The following NTS variants were observed in gnomAD, a reference collection of about 807,000 sequenced individuals.
NTS encodes the protein neurotensin.
In NTS, 20 loss-of-function variants were observed where a neutral mutation model predicts 19.5. The ratio of observed to expected loss-of-function variants is 1.02; its 90% CI spans 0.72 to 1.49. The LOEUF (loss-of-function observed/expected upper bound fraction) is 1.49. Ranked by LOEUF, NTS falls within the 40% of genes most tolerant of loss-of-function variation. The pLI is 0.00. For missense variants in NTS, 215 were observed against 193.1 expected, an observed-to-expected ratio of 1.11 and a Z score of -0.67; for synonymous variants, 71 against 63.3, an observed-to-expected ratio of 1.12 and a Z score of -0.58.
intron 1 of NTS, among the ~76,000 whole-genome samples, chr12:85,875,762 C>T (rs1294565031): frequency 1.3e-5 from 2 of 151,926 alleles, no homozygotes; most frequent in African/African-American, 4.8e-5. Flanking sequence ...CAGATTATGT[C>T]TCTAACAAAT....
intron 3 of NTS, 119 bp from the exon 4 acceptor site, chr12:85,882,104 G>T: frequency 1.4e-6 from 1 of 726,580 alleles, no homozygotes; most frequent in Non-Finnish European, 2.3e-6. Context: ...CATGTATCTC[G>T]TATCTCACCT....
In NTS at chr12:85,882,418, C is replaced by T. The variant is rs1447981719; in HGVS notation, c.*43C>T. ...TTACATGTGATTGTGATTCATCATC[C>T]CTTAATTAAATATCAAATTATATTT... On this transcript the variant is annotated 3_prime_UTR_variant, in exon 4 of 4. Coordinates refer to ENST00000256010, the MANE Select transcript of NTS (RefSeq NM_006183.5). 7 of 1,340,090 alleles carry T rather than the reference C, an allele frequency of 5.2e-6. No homozygotes were observed. Among genetic ancestry groups the T allele is most frequent in the Non-Finnish European group, 7.1e-6 (7 of 983,944 alleles). The allele number at this position is 1,340,090 out of a possible 1,614,324, so 83.0% of individuals were successfully genotyped here.
At position 85,882,388 on chromosome 12, in the gene NTS, T is replaced by G; in HGVS notation, c.*13T>G. The G allele has an allele frequency of 6.6e-7, 1 of 1,518,594 alleles. No homozygotes were observed. Among genetic ancestry groups the G allele is most frequent in the Non-Finnish European group, 8.9e-7 (1 of 1,128,942 alleles). 94.1% of individuals were successfully genotyped at this position (1,518,594 alleles called of 1,614,324 possible). A position where few individuals can be genotyped will look rare whatever the true frequency, so the allele number is the denominator to read the frequency against. The stretch of plus-strand genomic sequence containing the variant: ...TTACTATTACTGAGAGAATAAATCA[T>G]TTATTTACATGTGATTGTGATTCAT... On this transcript the variant is annotated 3_prime_UTR_variant, in exon 4 of 4. Transcript: ENST00000256010.
intron 1 of NTS, among the ~76,000 whole-genome samples, 188 bp from the exon 2 acceptor site, chr12:85,876,452 T>TA (rs748172028): frequency 2.0e-5 from 3 of 151,976 alleles, no homozygotes; most frequent in Non-Finnish European, 4.4e-5. Context: ...GAAGTGCTTC[T>TA]ACTATTTTAG....
chr12:85,878,504 G>C lies in NTS; in HGVS notation c.295G>C (p.Glu99Gln). 1 of 1,613,834 alleles carries C rather than the reference G, an allele frequency of 6.2e-7. No homozygotes were observed. The highest frequency in any genetic ancestry group is 8.5e-7 in the Non-Finnish European group (1 of 1,179,878). Residue 99 changes from glutamate to glutamine, a missense_variant, in exon 3 of 4, where the codon GAA becomes CAA. Transcript: ENST00000256010. ...LPTALDGFSL[E>Q]AMLTIYQLHK... ...TACTGCTTTAGATGGCTTTAGCTTG[G>C]AAGCAATGTTGACAATATACCAGCT...
At chr12:85,880,457 G>A (rs1370647622) in intron 3 of NTS, among the ~76,000 whole-genome samples, 1 of 151,982 alleles carries the variant, frequency 6.6e-6, no homozygotes, top group African/African-American at 2.4e-5. Context: ...GGGATCTGAG[G>A]GTGTCTTCCC....
intron 3 of NTS, among the ~76,000 whole-genome samples, chr12:85,880,320 AAAAT>A (rs1333624397): frequency 1.3e-5 from 2 of 152,266 alleles, no homozygotes; most frequent in East Asian, 1.9e-4. Flanking sequence ...AGGGGGAAGA[AAAAT>A]AAATTCTTTA....
intron 2 of NTS, among the ~76,000 whole-genome samples, chr12:85,877,471 G>A (rs1881373416): frequency 6.7e-6 from 1 of 149,752 alleles, no homozygotes; most frequent in Non-Finnish European, 1.5e-5. Context: ...CTCTATTGGG[G>A]TCTTGAAAGC....
At chr12:85,875,319 T>C (rs1256542285) in intron 1 of NTS, among the ~76,000 whole-genome samples, 1 of 152,058 alleles carries the variant, frequency 6.6e-6, no homozygotes, top group Non-Finnish European at 1.5e-5. Flanking sequence ...TTAAGAAATA[T>C]TACAATGAAC....
In NTS at chr12:85,874,482, C is replaced by G; in HGVS notation, c.73+6C>G. 1.2e-6 allele frequency: 2 copies of G among 1,603,698 alleles called. No individual in the cohort carries two copies. Among genetic ancestry groups the G allele is most frequent in the Non-Finnish European group, 1.7e-6 (2 of 1,170,674 alleles). On this transcript the variant is annotated splice_donor_region_variant and intron_variant, in intron 1 of 3. Coordinates refer to ENST00000256010, the MANE Select transcript of NTS (RefSeq NM_006183.5). ...CTCCTGGAGTCTGTGCTCAGGTAAG[C>G]AAAACAGAATTTCACAACTCCCTGA...
At chr12:85,879,712 A>G (rs1881455186) in intron 3 of NTS, among the ~76,000 whole-genome samples, 2 of 122,126 alleles carry the variant, frequency 1.6e-5, no homozygotes, top group Non-Finnish European at 1.9e-5. Context: ...ATGTATATAA[A>G]ATATATTTTT....
chr12:85,880,659 A>C (rs1484755702), intron 3 of NTS, among the ~76,000 whole-genome samples: 1 of 152,208 alleles, frequency 6.6e-6, no homozygotes, highest in Admixed American at 6.5e-5. Context: ...TTTAGTATTT[A>C]AAATATGTTT....
At position 85,877,666 on chromosome 12, in the gene NTS, G is replaced by C. The variant is rs569405818; in HGVS notation, c.136-679G>C. On this transcript the variant is annotated intron_variant, in intron 2 of 3. Transcript: ENST00000256010. Reference sequence around the variant, plus strand: ...TCCACTCCACCCTCTGACAGGCCCCGGTGTGGGTTGTTCCCCTTCCTGTGC... The same window carrying C: ...TCCACTCCACCCTCTGACAGGCCCCCGTGTGGGTTGTTCCCCTTCCTGTGC... Among the ~76,000 whole-genome samples the C allele has an allele frequency of 7.9e-5, 12 of 152,094 alleles. No individual in the cohort carries two copies. In the East Asian group the frequency reaches 1.2e-3, roughly 15 times the overall value.
intron 1 of NTS, among the ~76,000 whole-genome samples, chr12:85,875,875 G>A (rs182240925): frequency 5.9e-4 from 90 of 152,030 alleles, no homozygotes; most frequent in African/African-American, 2.1e-3. Flanking sequence ...GTACAAGGAA[G>A]ATAGAGTCAT....
rs1881535201 is a variant in NTS at position 85,882,934 on chromosome 12, T to A, written c.*559T>A. The A allele has an allele frequency of 6.6e-6, 1 of 152,106 alleles. No homozygotes were observed. The highest frequency in any genetic ancestry group is 1.5e-5 in the Non-Finnish European group (1 of 67,972). The allele number at this position is 152,106 out of a possible 1,614,324, so 9.4% of individuals were successfully genotyped here. A position where few individuals can be genotyped will look rare whatever the true frequency, so the allele number is the denominator to read the frequency against. ...TTTTAATGAATGACATTGAACTGAA[T>A]TTTTTGTCTGTTAAATGAACTTGAT... On this transcript the variant is annotated 3_prime_UTR_variant, in exon 4 of 4. Transcript: ENST00000256010.
chr12:85,880,187 T>C (rs1881470502), intron 3 of NTS, among the ~76,000 whole-genome samples: 1 of 151,964 alleles, frequency 6.6e-6, no homozygotes, highest in Non-Finnish European at 1.5e-5. Flanking sequence ...CACACAAAAC[T>C]TAGTGTGTAA....
At chr12:85,876,940 A>G (rs1317550848) in intron 2 of NTS, among the ~76,000 whole-genome samples, 1 of 152,128 alleles carries the variant, frequency 6.6e-6, no homozygotes. Flanking sequence ...ATTGCCACAC[A>G]TATTTACTTG....
At position 85,876,619 on chromosome 12, in the gene NTS, C is replaced by T. The variant is rs376320835; in HGVS notation, c.74-21C>T. The T allele has an allele frequency of 1.3e-4, 189 of 1,502,198 alleles. No homozygotes were observed. The African/African-American group carries it at 2.4e-3, about 19-fold the overall frequency. The allele number at this position is 1,502,198 out of a possible 1,614,324, so 93.1% of individuals were successfully genotyped here. A position where few individuals can be genotyped will look rare whatever the true frequency, so the allele number is the denominator to read the frequency against. On this transcript the variant is annotated intron_variant, in intron 1 of 3. Transcript: ENST00000256010. ...TTATATGATATGTAATTATAGTAAA[C>T]CTGATTTTGATTTTACTCAGATTCA...
At chr12:85,879,938 T>C (rs2136593505) in intron 3 of NTS, among the ~76,000 whole-genome samples, 1 of 148,102 alleles carries the variant, frequency 6.8e-6, no homozygotes, top group East Asian at 2.0e-4. Flanking sequence ...ATATATTAGG[T>C]TAGTGCAAAA....
Sources: gnomAD v4.1 joint callset for allele counts (sites outside exome capture counted in the v4.1 genomes callset) on GRCh38, gnomAD v4.1.1 for gene constraint, MANE v1.5 for transcripts, NCBI Gene and HGNC (gene_info 2026-07-23, HGNC 2026-07-21) for gene names.